Variants in EIPR1 observed in about 807,000 individuals in gnomAD.
The protein encoded by EIPR1 is EARP and GARP complex-interacting protein 1.
EIPR1 carries 25 observed loss-of-function variants against 48.1 expected under a neutral mutation model. The ratio of observed to expected loss-of-function variants is 0.52; its 90% CI spans 0.38 to 0.73. EIPR1 has a LOEUF of 0.73. Among genes scored for constraint, EIPR1 ranks in the 30% least tolerant of loss-of-function variants. The probability of loss-of-function intolerance (pLI) is 0.00; values close to 1 mark genes in which losing one functional copy is unlikely to be tolerated. For synonymous variants in EIPR1, 204 were observed against 201.9 expected (o/e 1.01, Z -0.09); for missense variants, 415 against 506.2 (o/e 0.82, Z 1.73).
intron 4 of EIPR1, among the ~76,000 whole-genome samples, chr2:3,250,497 T>C (rs1666969004): frequency 3.3e-5 from 5 of 152,212 alleles, no homozygotes; most frequent in Admixed American, 2.6e-4. Flanking sequence ...CTTTGGATTT[T>C]TGAGTTGGGG....
chr2:3,300,611 C>T lies in EIPR1; in HGVS notation c.259+37406G>A, dbSNP rs546665308. Among the ~76,000 whole-genome samples the T allele has an allele frequency of 6.6e-5, 10 of 152,138 alleles. No homozygotes were observed. The South Asian group carries it at 1.0e-3, about 16-fold the overall frequency. ...GGTCAAATGGGCTTTCGCGCTAATACCCTATCAAACAGCCTTCTTGCCAAT... is the reference window on the plus strand; with the variant it reads ...GGTCAAATGGGCTTTCGCGCTAATATCCTATCAAACAGCCTTCTTGCCAAT... On this transcript the variant is annotated intron_variant, in intron 3 of 8. Coordinates refer to ENST00000382125, the MANE Select transcript of EIPR1 (RefSeq NM_003310.5).
chr2:3,271,871 G>A (rs2103246381), intron 3 of EIPR1, among the ~76,000 whole-genome samples: 1 of 152,328 alleles, frequency 6.6e-6, no homozygotes, highest in East Asian at 1.9e-4. Flanking sequence ...TGCTATGAAA[G>A]TCCTAGATGA....
intron 3 of EIPR1, among the ~76,000 whole-genome samples, chr2:3,313,472 A>G (rs1310302655): frequency 6.6e-6 from 1 of 152,192 alleles, no homozygotes; most frequent in Non-Finnish European, 1.5e-5. Context: ...AGTAGGACAC[A>G]GAGCCCAGTC....
intron 3 of EIPR1, among the ~76,000 whole-genome samples, chr2:3,336,368 C>A (rs1670041885): frequency 6.6e-6 from 1 of 152,190 alleles, no homozygotes; most frequent in Admixed American, 6.5e-5. Flanking sequence ...GGACCCCCAA[C>A]CTCCCGCTGG....
In EIPR1 at chr2:3,192,597, C is replaced by A. The variant is rs1473134356; in HGVS notation, c.822-16G>T. On this transcript the variant is annotated splice_polypyrimidine_tract_variant and intron_variant, in intron 7 of 8. Coordinates refer to ENST00000382125, the MANE Select transcript of EIPR1 (RefSeq NM_003310.5). ...GTTCCACACCCTGCAAAGGGCAAGG[C>A]AGCTGCTGAAATGAACTGTCACCCG... 1 of 1,607,326 alleles carries A rather than the reference C, an allele frequency of 6.2e-7. No individual in the cohort carries two copies. Among genetic ancestry groups the A allele is most frequent in the Non-Finnish European group, 8.5e-7 (1 of 1,177,832 alleles).
intron 8 of EIPR1, among the ~76,000 whole-genome samples, chr2:3,190,038 G>A (rs1341739082): frequency 6.6e-6 from 1 of 152,080 alleles, no homozygotes; most frequent in African/African-American, 2.4e-5. Flanking sequence ...GATCCCCCAG[G>A]ACACCAAGAG....
intron 1 of EIPR1, among the ~76,000 whole-genome samples, chr2:3,357,738 G>A (rs757106237): frequency 3.5e-4 from 54 of 152,314 alleles, no homozygotes; most frequent in Non-Finnish European, 5.3e-4. Context: ...GATTCTGGGG[G>A]CTGCCCAATT....
At chr2:3,243,398 G>A (rs1355461635) in intron 4 of EIPR1, among the ~76,000 whole-genome samples, 1 of 137,686 alleles carries the variant, frequency 7.3e-6, no homozygotes, top group African/African-American at 2.4e-5. Flanking sequence ...GGGAGGTCAA[G>A]GCAGGTGGAT....
rs147999805 is a variant in EIPR1, at chr2:3,302,566, C to G, written c.259+35451G>C. 5.7e-3 allele frequency among the ~76,000 whole-genome samples: 868 copies of G among 152,316 alleles called. 6 individuals are homozygous for G. Among genetic ancestry groups the G allele is most frequent in the African/African-American group, 0.02 (815 of 41,572 alleles). ...GGCTTTAGCAAGCTGATCCTGAGTG[C>G]AGTTGGTGGATGGCGACAGGCCGGA... On this transcript the variant is annotated intron_variant, in intron 3 of 8. Coordinates refer to ENST00000382125, the MANE Select transcript of EIPR1 (RefSeq NM_003310.5).
At chr2:3,289,333 A>G (rs1668298798) in intron 3 of EIPR1, among the ~76,000 whole-genome samples, 1 of 152,172 alleles carries the variant, frequency 6.6e-6, no homozygotes, top group South Asian at 2.1e-4. Context: ...CTGTCCAGAC[A>G]GAGGATGGGG....
chr2:3,325,935 G>A (rs1019050654), intron 3 of EIPR1, among the ~76,000 whole-genome samples: 1 of 152,246 alleles, frequency 6.6e-6, no homozygotes, highest in African/African-American at 2.4e-5. Context: ...ATCATGGAAG[G>A]GAAGGCTCGG....
At chr2:3,352,333 T>TC (rs1394788574) in intron 2 of EIPR1, among the ~76,000 whole-genome samples, 4 of 148,128 alleles carry the variant, frequency 2.7e-5, no homozygotes, top group African/African-American at 1.0e-4. Context: ...GATCAGCATA[T>TC]CCATGCTACA....
At chr2:3,226,654 C>T (rs1320484385) in intron 4 of EIPR1, among the ~76,000 whole-genome samples, 1 of 152,164 alleles carries the variant, frequency 6.6e-6, no homozygotes, top group Non-Finnish European at 1.5e-5. Flanking sequence ...GCTGCCTGTG[C>T]TTTTGTGTCT....
chr2:3,238,980 G>A (rs6548143), intron 4 of EIPR1, among the ~76,000 whole-genome samples: 139,292 of 152,298 alleles, frequency 0.91, 64,188 homozygotes, highest in East Asian at 0.98. Flanking sequence ...ATCTAAGCTC[G>A]GCATGAAGTC....
At chr2:3,275,513 A>G (rs911456125) in intron 3 of EIPR1, among the ~76,000 whole-genome samples, 20 of 152,188 alleles carry the variant, frequency 1.3e-4, no homozygotes, top group African/African-American at 4.6e-4. Context: ...AACACAACAT[A>G]ATTTTTTTCT....
intron 3 of EIPR1, among the ~76,000 whole-genome samples, chr2:3,289,293 A>G (rs1668297611): frequency 6.6e-6 from 1 of 152,158 alleles, no homozygotes; most frequent in Non-Finnish European, 1.5e-5. Context: ...TAGTTTTAAA[A>G]CAAAGAACGC....
At chr2:3,358,129 C>T (rs1192792718) in intron 1 of EIPR1, among the ~76,000 whole-genome samples, 4 of 152,144 alleles carry the variant, frequency 2.6e-5, no homozygotes, top group Non-Finnish European at 5.9e-5. Flanking sequence ...ACCCACTTCC[C>T]ACCTCCTCGG....
intron 3 of EIPR1, among the ~76,000 whole-genome samples, chr2:3,289,190 G>A (rs1668294830): frequency 6.6e-6 from 1 of 152,140 alleles, no homozygotes; most frequent in Admixed American, 6.5e-5. Context: ...TTTGCCGCCT[G>A]CTTCCTGGAC....
chr2:3,364,414 G>T (rs62119524), intron 1 of EIPR1, among the ~76,000 whole-genome samples: 3 of 151,970 alleles, frequency 2.0e-5, no homozygotes, highest in African/African-American at 7.2e-5. Context: ...AGGATTGCTT[G>T]AGCTCAGGAG....
Sources: gnomAD v4.1 joint callset for allele counts (sites outside exome capture counted in the v4.1 genomes callset) on GRCh38, gnomAD v4.1.1 for gene constraint, MANE v1.5 for transcripts, NCBI Gene and HGNC (gene_info 2026-07-23, HGNC 2026-07-21) for gene names.